FAM151B: variants seen among roughly 807,000 people sequenced by gnomAD.
FAM151B encodes the protein protein FAM151B.
In FAM151B, 24 loss-of-function variants were observed where a neutral mutation model predicts 31.2. That is an observed-to-expected ratio of 0.77 (90% CI 0.56 to 1.08). The LOEUF is 1.08. FAM151B is among the 50% of genes least tolerant of loss of function. The pLI is 0.00. For synonymous variants in FAM151B, 105 were observed against 111.4 expected, an observed-to-expected ratio of 0.94 and a Z score of 0.36; for missense variants, 293 against 328.6, an observed-to-expected ratio of 0.89 and a Z score of 0.84.
At chr5:80,502,774 A>T (rs1485150378) in intron 2 of FAM151B, among the ~76,000 whole-genome samples, 1 of 152,200 alleles carries the variant, frequency 6.6e-6, no homozygotes. Context: ...AATTCATTAT[A>T]TATCTCAGCT....
chr5:80,498,818 G>T (rs1295405982), intron 1 of FAM151B: 2 of 453,430 alleles, frequency 4.4e-6, no homozygotes, highest in Admixed American at 5.1e-5. Context: ...GAATGTTGTA[G>T]TCAGACAGAG....
intron 2 of FAM151B, among the ~76,000 whole-genome samples, chr5:80,503,326 T>C (rs1051856037): frequency 2.6e-5 from 4 of 152,194 alleles, no homozygotes; most frequent in African/African-American, 9.7e-5. Context: ...CCCAGCACTT[T>C]GGGAAGCCAA....
chr5:80,539,217 T>C (rs1173449765), intron 5 of FAM151B, among the ~76,000 whole-genome samples: 2 of 152,138 alleles, frequency 1.3e-5, no homozygotes, highest in African/African-American at 4.8e-5. Flanking sequence ...CATTTCCAAC[T>C]CTTAAGATAT....
chr5:80,515,555 T>C (rs1466047205), intron 3 of FAM151B, among the ~76,000 whole-genome samples: 6 of 152,224 alleles, frequency 3.9e-5, no homozygotes, highest in Admixed American at 3.3e-4. Flanking sequence ...CTGGGACATA[T>C]TCTTTGGCTT....
intron 5 of FAM151B, among the ~76,000 whole-genome samples, chr5:80,524,876 C>A (rs1421901498): frequency 1.3e-5 from 2 of 152,062 alleles, no homozygotes; most frequent in Non-Finnish European, 2.9e-5. Flanking sequence ...AGACAGCAAC[C>A]TTGCTTATCT....
chr5:80,528,522 A>C (rs899856816), intron 5 of FAM151B, among the ~76,000 whole-genome samples: 1 of 152,160 alleles, frequency 6.6e-6, no homozygotes, highest in African/African-American at 2.4e-5. Context: ...GGATGGAAAA[A>C]GATATTCCAT....
intron 1 of FAM151B, among the ~76,000 whole-genome samples, chr5:80,490,515 T>C (rs1025335503): frequency 6.6e-6 from 1 of 152,214 alleles, no homozygotes; most frequent in Non-Finnish European, 1.5e-5. Flanking sequence ...TGTGCAACAA[T>C]TACCACAATT....
intron 5 of FAM151B, among the ~76,000 whole-genome samples, chr5:80,533,106 T>C (rs775361020): frequency 1.3e-5 from 2 of 151,960 alleles, no homozygotes; most frequent in Non-Finnish European, 1.5e-5. Flanking sequence ...GGCCGAGCAC[T>C]GTGGCTCACA....
At position 80,538,532 on chromosome 5, in the gene FAM151B, C is replaced by T. The variant is rs1214759934; in HGVS notation, c.672-3141C>T. On this transcript the variant is annotated intron_variant, in intron 5 of 5. Transcript: ENST00000282226. Reference sequence around the variant, plus strand: ...TCTTTCTTTCCTTCCTTCCTTCCTTCCTTCCTTCCTTCCTTCCTTCCTTCC... The same window carrying T: ...TCTTTCTTTCCTTCCTTCCTTCCTTTCTTCCTTCCTTCCTTCCTTCCTTCC... Among the ~76,000 whole-genome samples the T allele has an allele frequency of 7.1e-4, 78 of 109,876 alleles. 1 individual carries two copies. Among genetic ancestry groups the T allele is most frequent in the African/African-American group, 4.0e-3 (75 of 18,578 alleles). The allele number at this position is 109,876 out of a possible 152,430, so 72.1% of individuals were successfully genotyped here.
At chr5:80,533,819 AC>A (rs1467617981) in intron 5 of FAM151B, among the ~76,000 whole-genome samples, 1 of 151,982 alleles carries the variant, frequency 6.6e-6, no homozygotes, top group African/African-American at 2.4e-5. Flanking sequence ...GATCAATGAA[AC>A]AAAAAGTTGG....
chr5:80,490,341 G>T (rs1187656459), intron 1 of FAM151B, among the ~76,000 whole-genome samples: 2 of 152,126 alleles, frequency 1.3e-5, no homozygotes, highest in African/African-American at 2.4e-5. Flanking sequence ...AGTGAACCAA[G>T]AACATGCCAG....
chr5:80,496,742 A>G (rs1743552218), intron 1 of FAM151B, among the ~76,000 whole-genome samples: 1 of 151,710 alleles, frequency 6.6e-6, no homozygotes, highest in Non-Finnish European at 1.5e-5. Flanking sequence ...AACAGCCAAA[A>G]CCAGGGAAAT....
chr5:80,541,558 T>C, intron 5 of FAM151B, 115 bp from the exon 6 acceptor site: 2 of 935,098 alleles, frequency 2.1e-6, no homozygotes, highest in Non-Finnish European at 3.3e-6. Context: ...CTGATTAATT[T>C]TTTCATCTGA....
chr5:80,538,450 CTTTCTTTCTT>C (rs1213233914), intron 5 of FAM151B, among the ~76,000 whole-genome samples: 2,186 of 69,414 alleles, frequency 0.031, 61 homozygotes, highest in African/African-American at 0.052. Context: ...CTTTCTTTCT[CTTTCTTTCTT>C]TCTTTCTTTC....
chr5:80,501,851 G>C lies in FAM151B; in HGVS notation c.85G>C (p.Asp29His), dbSNP rs771669308. Residue 29 changes from aspartate to histidine, a missense_variant, in exon 2 of 6, where the codon GAC (aspartate) becomes CAC (histidine). Coordinates refer to ENST00000282226, the MANE Select transcript of FAM151B (RefSeq NM_205548.3). ...FLRNSQITAE[D>H]GAEITWYHAA... ...GAGAAATAGCCAGATTACAGCAGAA[G>C]ACGGTGCTGAGATCACCTGGTATCA... 6.2e-7 allele frequency: 1 copy of C among 1,604,908 alleles called. No homozygotes were observed. The highest frequency in any genetic ancestry group is 1.1e-5 in the South Asian group (1 of 89,858).
intron 5 of FAM151B, among the ~76,000 whole-genome samples, chr5:80,531,602 G>A (rs1269650451): frequency 6.6e-6 from 1 of 152,172 alleles, no homozygotes; most frequent in Admixed American, 6.5e-5. Flanking sequence ...CCTCTCAGAA[G>A]CAGACATTTA....
Position 80,541,812 on chromosome 5 carries a change from G to A in FAM151B, c.811G>A (p.Gly271Arg). The change falls in exon 6 of 6, where the codon GGA becomes AGA. Residue 271 changes from glycine (G) to arginine (R), a missense_variant. Coordinates refer to ENST00000282226, the MANE Select transcript of FAM151B (RefSeq NM_205548.3). ...PQNHEFKQAIGIKVNL is the reference protein window; with the variant it reads ...PQNHEFKQAIRIKVNL ...AAACCATGAATTTAAACAAGCCATTGGAATCAAAGTTAATCTCTAAGAAGA... is the reference window on the plus strand; with the variant it reads ...AAACCATGAATTTAAACAAGCCATTAGAATCAAAGTTAATCTCTAAGAAGA... The A allele has an allele frequency of 2.5e-6, 4 of 1,612,310 alleles. No individual in the cohort carries two copies. The highest frequency in any genetic ancestry group is 3.4e-6 in the Non-Finnish European group (4 of 1,179,446).
At chr5:80,519,011 A>C (rs1363099669) in intron 3 of FAM151B, 2 of 152,234 alleles carry the variant, frequency 1.3e-5, no homozygotes, top group African/African-American at 4.8e-5. Context: ...GTCTGTAGTT[A>C]TCAGCTAGAA....
chr5:80,503,287 T>C (rs1262655302), intron 2 of FAM151B, among the ~76,000 whole-genome samples: 1 of 152,112 alleles, frequency 6.6e-6, no homozygotes, highest in Non-Finnish European at 1.5e-5. Context: ...TCTCAGGATG[T>C]GGTCAGGGCG....
Sources: allele counts gnomAD v4.1 joint callset (sites outside exome capture counted in the v4.1 genomes callset), GRCh38; gene constraint gnomAD v4.1.1; transcripts MANE v1.5; gene names NCBI Gene and HGNC (gene_info 2026-07-23, HGNC 2026-07-21).